BMP6: variants seen among roughly 807,000 people sequenced by gnomAD.
BMP6 encodes the protein bone morphogenetic protein 6.
BMP6 carries 17 observed loss-of-function variants against 54.1 expected under a neutral mutation model. The observed-to-expected ratio is 0.31, with a 90% CI of 0.22 to 0.47. BMP6 has a LOEUF of 0.47. Among genes scored for constraint, BMP6 ranks in the 20% least tolerant of loss-of-function variants. The pLI is 1.00. For missense variants in BMP6, 720 were observed against 690.4 expected (o/e 1.04, Z -0.48); for synonymous variants, 328 against 291.2 (o/e 1.13, Z -1.28).
At position 7,817,545 on chromosome 6, in the gene BMP6, C is replaced by T. The variant is rs373061138; in HGVS notation, c.665-27595C>T. Among the ~76,000 whole-genome samples the T allele has an allele frequency of 8.4e-5, 9 of 106,716 alleles. No individual in the cohort carries two copies. In the East Asian group the frequency reaches 1.7e-3, roughly 21 times the overall value. The allele number at this position is 106,716 out of a possible 152,430, so 70.0% of individuals were successfully genotyped here. On this transcript the variant is annotated intron_variant, in intron 1 of 6. Coordinates refer to ENST00000283147, the MANE Select transcript of BMP6 (RefSeq NM_001718.6). ...ACAATGAGAACACTTGGACACAGGGCGGGGAACATCACACACGGGGGCCTG... is the reference window on the plus strand; with the variant it reads ...ACAATGAGAACACTTGGACACAGGGTGGGGAACATCACACACGGGGGCCTG...
intron 1 of BMP6, among the ~76,000 whole-genome samples, chr6:7,785,263 T>C (rs1215460969): frequency 6.6e-6 from 1 of 152,198 alleles, no homozygotes; most frequent in Non-Finnish European, 1.5e-5. Flanking sequence ...ATAGATGATA[T>C]TTTAAAGTGC....
At chr6:7,858,942 T>C (rs1274382528) in intron 2 of BMP6, among the ~76,000 whole-genome samples, 3 of 151,908 alleles carry the variant, frequency 2.0e-5, no homozygotes, top group Non-Finnish European at 4.4e-5. Flanking sequence ...AGTGTTCTCA[T>C]TGTACGATTA....
intron 2 of BMP6, among the ~76,000 whole-genome samples, chr6:7,852,591 A>T (rs537927482): frequency 6.6e-6 from 1 of 152,260 alleles, no homozygotes; most frequent in South Asian, 2.1e-4. Context: ...AATTTTTTTT[A>T]ATTTTAAAAA....
At chr6:7,729,847 G>A (rs1311882918) in intron 1 of BMP6, among the ~76,000 whole-genome samples, 1 of 152,164 alleles carries the variant, frequency 6.6e-6, no homozygotes, top group Non-Finnish European at 1.5e-5. Context: ...ATCAGAATGT[G>A]TGGAGGTGGA....
chr6:7,879,263 C>T lies in BMP6; in HGVS notation c.1281+113C>T, dbSNP rs116327870. 680 of 1,153,456 alleles carry T rather than the reference C, an allele frequency of 5.9e-4. 6 individuals carry two copies. The African/African-American group carries it at 8.8e-3, about 15-fold the overall frequency. 71.5% of individuals were successfully genotyped at this position (1,153,456 alleles called of 1,614,324 possible). A position where few individuals can be genotyped will look rare whatever the true frequency, so the allele number is the denominator to read the frequency against. ...GCTTGATTGAAGGCTGAGCTGCTTC[C>T]TTCTGTGGAAGTCCTGAGGAGCCCT... On this transcript the variant is annotated intron_variant, in intron 5 of 6. Coordinates refer to ENST00000283147, the MANE Select transcript of BMP6 (RefSeq NM_001718.6).
At chr6:7,793,388 A>T (rs1758140347) in intron 1 of BMP6, among the ~76,000 whole-genome samples, 1 of 152,218 alleles carries the variant, frequency 6.6e-6, no homozygotes, top group Non-Finnish European at 1.5e-5. Flanking sequence ...GGATGAATAG[A>T]TGGAGCCCAC....
chr6:7,727,935 T>TG (rs1274810045), intron 1 of BMP6, among the ~76,000 whole-genome samples: 1 of 151,292 alleles, frequency 6.6e-6, no homozygotes, highest in Non-Finnish European at 1.5e-5. Context: ...CGCGCTTTTT[T>TG]TCACTTCTGC....
rs1438728292 is a variant in BMP6, at chr6:7,726,899, C to G, written c.-57C>G. 30 of 1,078,430 alleles carry G rather than the reference C, an allele frequency of 2.8e-5. No individual in the cohort carries two copies. Among genetic ancestry groups the G allele is most frequent in the Non-Finnish European group, 3.2e-5 (28 of 886,830 alleles). The allele number at this position is 1,078,430 out of a possible 1,614,324, so 66.8% of individuals were successfully genotyped here. ...AGGGCCACAGCGGCCGCGCTCCGGC[C>G]TCGCTCCGCCGCTCCACGCCTCGCG... On this transcript the variant is annotated 5_prime_UTR_variant, in exon 1 of 7. Coordinates refer to ENST00000283147, the MANE Select transcript of BMP6 (RefSeq NM_001718.6).
At chr6:7,767,771 T>G (rs1029603261) in intron 1 of BMP6, among the ~76,000 whole-genome samples, 2 of 152,196 alleles carry the variant, frequency 1.3e-5, no homozygotes, top group African/African-American at 4.8e-5. Context: ...GTGCTTGCTG[T>G]GTCTCTTGTG....
At chr6:7,755,850 C>A (rs1352857033) in intron 1 of BMP6, among the ~76,000 whole-genome samples, 2 of 152,070 alleles carry the variant, frequency 1.3e-5, no homozygotes, top group Non-Finnish European at 2.9e-5. Context: ...CCTTGCAGCA[C>A]TTTATAGACA....
chr6:7,729,555 C>T (rs1237397501), intron 1 of BMP6, among the ~76,000 whole-genome samples: 2 of 152,164 alleles, frequency 1.3e-5, no homozygotes, highest in African/African-American at 4.8e-5. Flanking sequence ...GTTATTAGGG[C>T]CGCTTCGTGG....
chr6:7,732,456 C>A lies in BMP6; in HGVS notation c.664+4837C>A, dbSNP rs117237758. Among the ~76,000 whole-genome samples, 22 of 152,310 alleles carry A rather than the reference C, an allele frequency of 1.4e-4. No homozygotes were observed. In the East Asian group the frequency reaches 3.1e-3, roughly 21 times the overall value. On this transcript the variant is annotated intron_variant, in intron 1 of 6. Coordinates refer to ENST00000283147, the MANE Select transcript of BMP6 (RefSeq NM_001718.6). ...TGGGTATAAATCCTTTTTAAATGTGCTGAATCATGGTTAGTTCCTCTATTT... is the reference window on the plus strand; with the variant it reads ...TGGGTATAAATCCTTTTTAAATGTGATGAATCATGGTTAGTTCCTCTATTT...
intron 1 of BMP6, among the ~76,000 whole-genome samples, chr6:7,796,309 G>A (rs538654475): frequency 1.3e-5 from 2 of 152,230 alleles, no homozygotes; most frequent in Non-Finnish European, 2.9e-5. Context: ...GGTGGCCCAA[G>A]GGAGGAATGT....
At chr6:7,835,556 A>G (rs1318294064) in intron 1 of BMP6, among the ~76,000 whole-genome samples, 1 of 152,202 alleles carries the variant, frequency 6.6e-6, no homozygotes, top group Non-Finnish European at 1.5e-5. Context: ...CTGGAGATGT[A>G]GCAGTTTTTC....
intron 2 of BMP6, among the ~76,000 whole-genome samples, chr6:7,846,196 T>C (rs1434273505): frequency 4.6e-5 from 7 of 152,156 alleles, no homozygotes; most frequent in Admixed American, 4.6e-4. Flanking sequence ...GCTACAAGGA[T>C]AAAAATGAAG....
intron 1 of BMP6, among the ~76,000 whole-genome samples, chr6:7,835,331 C>G (rs903600606): frequency 1.3e-5 from 2 of 152,160 alleles, no homozygotes; most frequent in Admixed American, 6.5e-5. Context: ...CCAGGATGGT[C>G]TCGATCTCCT....
At chr6:7,811,348 C>G (rs1297562624) in intron 1 of BMP6, among the ~76,000 whole-genome samples, 1 of 152,164 alleles carries the variant, frequency 6.6e-6, no homozygotes, top group Non-Finnish European at 1.5e-5. Context: ...CCAAGCTCCT[C>G]TGGGGGTCTT....
At chr6:7,870,336 C>G (rs370153193) in intron 4 of BMP6, among the ~76,000 whole-genome samples, 364 of 152,336 alleles carry the variant, frequency 2.4e-3, no homozygotes, top group African/African-American at 8.1e-3. Context: ...TGGGACACTT[C>G]TACCTGTTTC....
chr6:7,855,261 A>C (rs568596083), intron 2 of BMP6, among the ~76,000 whole-genome samples: 1 of 152,198 alleles, frequency 6.6e-6, no homozygotes, highest in Admixed American at 6.5e-5. Context: ...TCCTTGGCTC[A>C]CAAAGTATGG....
Sources: allele counts gnomAD v4.1 joint callset (sites outside exome capture counted in the v4.1 genomes callset), GRCh38; gene constraint gnomAD v4.1.1; transcripts MANE v1.5; gene names NCBI Gene and HGNC (gene_info 2026-07-23, HGNC 2026-07-21).